The following CNTNAP5 variants were observed in gnomAD, a reference collection of about 807,000 sequenced individuals.
The protein encoded by CNTNAP5 is contactin associated protein family member 5, also known as contactin-associated protein-like 5.
CNTNAP5 carries 72 observed loss-of-function variants against 150.2 expected under a neutral mutation model. The ratio of observed to expected loss-of-function variants is 0.48; its 90% CI spans 0.40 to 0.58. The LOEUF (loss-of-function observed/expected upper bound fraction) is 0.58, where lower values mean the gene tolerates loss of function less well. Among genes scored for constraint, CNTNAP5 ranks in the 20% least tolerant of loss-of-function variants. The pLI is 0.00. For synonymous variants in CNTNAP5, 672 were observed against 619.8 expected (o/e 1.08, Z -1.25); for missense variants, 1,636 against 1,626.2 (o/e 1.01, Z -0.10).
chr2:124,070,495 A>G (rs1281194237), intron 1 of CNTNAP5, among the ~76,000 whole-genome samples: 1 of 151,832 alleles, frequency 6.6e-6, no homozygotes, highest in African/African-American at 2.4e-5. Context: ...TGAAGGAATG[A>G]AAAATAGATA....
chr2:124,550,685 G>A (rs1041031420), intron 10 of CNTNAP5, among the ~76,000 whole-genome samples: 4 of 152,142 alleles, frequency 2.6e-5, no homozygotes, highest in East Asian at 1.9e-4. Context: ...TGTCAATTGC[G>A]TGGTGGACTT....
At chr2:124,241,305 C>A (rs1180605750) in intron 2 of CNTNAP5, among the ~76,000 whole-genome samples, 1 of 152,136 alleles carries the variant, frequency 6.6e-6, no homozygotes, top group Non-Finnish European at 1.5e-5. Context: ...TGTCAGAATG[C>A]CCCTACATGT....
At chr2:124,722,695 T>A (rs994144279) in intron 13 of CNTNAP5, among the ~76,000 whole-genome samples, 3 of 151,988 alleles carry the variant, frequency 2.0e-5, no homozygotes, top group African/African-American at 7.2e-5. Context: ...ATTAAGGGGG[T>A]AGCCTCAACC....
chr2:124,907,220 C>T (rs1678555898), intron 22 of CNTNAP5, among the ~76,000 whole-genome samples: 1 of 151,936 alleles, frequency 6.6e-6, no homozygotes, highest in Non-Finnish European at 1.5e-5. Context: ...GACAGAAGCC[C>T]ATTACAAAAG....
At position 124,920,671 on chromosome 2, in the gene CNTNAP5, G is replaced by A. The variant is rs949755662; in HGVS notation, c.*6383G>A. ...GTCACTAGCCTAGGGCAGAAAGGCA[G>A]CCATGTATAAATGAATACCCATGGC... On this transcript the variant is annotated 3_prime_UTR_variant, in exon 24 of 24. Transcript: ENST00000682447. 1.3e-5 allele frequency among the ~76,000 whole-genome samples: 2 copies of A among 152,102 alleles called. No individual in the cohort carries two copies. The highest frequency in any genetic ancestry group is 4.8e-5 in the African/African-American group (2 of 41,450).
chr2:124,648,929 C>G (rs530398845), intron 13 of CNTNAP5, among the ~76,000 whole-genome samples: 1 of 151,468 alleles, frequency 6.6e-6, no homozygotes, highest in East Asian at 1.9e-4. Flanking sequence ...AATAAAATAT[C>G]AACAAAGGGG....
intron 3 of CNTNAP5, among the ~76,000 whole-genome samples, chr2:124,361,237 C>A (rs1460926370): frequency 7.0e-6 from 1 of 143,838 alleles, no homozygotes; most frequent in African/African-American, 2.6e-5. Context: ...TTTTCAACTT[C>A]TTTGCCTTTG....
chr2:124,765,880 C>A (rs1681057696), intron 16 of CNTNAP5, among the ~76,000 whole-genome samples: 1 of 151,902 alleles, frequency 6.6e-6, no homozygotes, highest in South Asian at 2.1e-4. Flanking sequence ...CTCTTGAACC[C>A]CACTGGCAGA....
At chr2:124,644,184 A>G (rs926718683) in intron 12 of CNTNAP5, among the ~76,000 whole-genome samples, 1 of 152,224 alleles carries the variant, frequency 6.6e-6, no homozygotes, top group African/African-American at 2.4e-5. Context: ...TTGTTAAAAA[A>G]TCATTCAAAG....
chr2:124,502,734 A>T (rs1344849285), intron 7 of CNTNAP5, among the ~76,000 whole-genome samples: 1 of 152,200 alleles, frequency 6.6e-6, no homozygotes, highest in African/African-American at 2.4e-5. Context: ...GAGATCCAAA[A>T]ATGCAAATTA....
intron 16 of CNTNAP5, among the ~76,000 whole-genome samples, chr2:124,768,658 G>A (rs920595595): frequency 1.3e-5 from 2 of 152,060 alleles, no homozygotes; most frequent in Non-Finnish European, 1.5e-5. Flanking sequence ...GAGGGGAAGT[G>A]GCAAGCCCTG....
intron 13 of CNTNAP5, among the ~76,000 whole-genome samples, chr2:124,727,642 C>T (rs899009760): frequency 6.6e-6 from 1 of 151,976 alleles, no homozygotes; most frequent in Non-Finnish European, 1.5e-5. Flanking sequence ...AGAAGCACTA[C>T]TAAATTGTAA....
intron 3 of CNTNAP5, among the ~76,000 whole-genome samples, chr2:124,270,814 C>G (rs561057227): frequency 6.6e-6 from 1 of 152,252 alleles, no homozygotes; most frequent in African/African-American, 2.4e-5. Context: ...ATGGCCATAT[C>G]AAAATGACAG....
chr2:124,160,438 A>G lies in CNTNAP5; in HGVS notation c.83-61267A>G, dbSNP rs1002638448. 7.2e-5 allele frequency among the ~76,000 whole-genome samples: 11 copies of G among 152,100 alleles called. 1 individual carries two copies. Among genetic ancestry groups the G allele is most frequent in the Admixed American group, 7.2e-4 (11 of 15,268 alleles). ...TTAAGGTGATCAGATCAACAGTCGGAGTCCCTCCTTCTCCCCAACAATAAG... is the reference window on the plus strand; with the variant it reads ...TTAAGGTGATCAGATCAACAGTCGGGGTCCCTCCTTCTCCCCAACAATAAG... On this transcript the variant is annotated intron_variant, in intron 1 of 23. Transcript: ENST00000682447.
chr2:124,463,649 G>A (rs1371140490), intron 6 of CNTNAP5, among the ~76,000 whole-genome samples: 1 of 152,142 alleles, frequency 6.6e-6, no homozygotes, highest in Non-Finnish European at 1.5e-5. Flanking sequence ...CTGAGACAAG[G>A]GGGCAAATTT....
chr2:124,105,113 C>A (rs1683147249), intron 1 of CNTNAP5, among the ~76,000 whole-genome samples: 2 of 152,120 alleles, frequency 1.3e-5, no homozygotes, highest in Admixed American at 6.6e-5. Context: ...CACTGTTCTG[C>A]ACCTTGCTTT....
At chr2:124,037,399 A>G (rs1017555055) in intron 1 of CNTNAP5, among the ~76,000 whole-genome samples, 3 of 152,240 alleles carry the variant, frequency 2.0e-5, no homozygotes, top group Non-Finnish European at 2.9e-5. Context: ...TCATTGCAGC[A>G]TTATCTACAA....
Position 124,319,043 on chromosome 2 carries a change from T to C in CNTNAP5, c.381+76650T>C, listed in dbSNP as rs144472661. ...ACTGGGTATCTGTCTCCCTTCCTGC[T>C]CTAGCTCTGGCCTACCCTACCTGTT... is the stretch of plus-strand genomic sequence containing the variant. On this transcript the variant is annotated intron_variant, in intron 3 of 23. Transcript: ENST00000682447. Among the ~76,000 whole-genome samples the C allele has an allele frequency of 8.3e-3, 1,264 of 152,314 alleles. 16 individuals carry two copies. Among genetic ancestry groups the C allele is most frequent in the African/African-American group, 0.029 (1,186 of 41,560 alleles).
intron 3 of CNTNAP5, among the ~76,000 whole-genome samples, chr2:124,359,281 G>A (rs1690126820): frequency 6.6e-6 from 1 of 150,636 alleles, no homozygotes; most frequent in African/African-American, 2.4e-5. Context: ...ATTTTTTGAA[G>A]GGTTTTTTGT....
Sources: gnomAD v4.1 joint callset for allele counts (sites outside exome capture counted in the v4.1 genomes callset) on GRCh38, gnomAD v4.1.1 for gene constraint, MANE v1.5 for transcripts, NCBI Gene and HGNC (gene_info 2026-07-23, HGNC 2026-07-21) for gene names.